The following USP7 variants were observed in gnomAD, a reference collection of about 807,000 sequenced individuals.
The protein encoded by USP7 is ubiquitin C-terminal hydrolase 7.
A neutral mutation model predicts 162.9 loss-of-function variants in USP7; 9 were observed. The observed-to-expected ratio is 0.06, with a 90% confidence interval of 0.03 to 0.10. USP7 has a LOEUF of 0.10. Ranked by LOEUF, USP7 falls within the 10% of genes least tolerant of loss-of-function variation. The pLI is 1.00. For synonymous variants in USP7, 562 were observed against 475.9 expected (o/e 1.18, Z -2.35); for missense variants, 715 against 1,373.7 (o/e 0.52, Z 7.58).
At chr16:8,946,773 C>T (rs952903428) in intron 1 of USP7, among the ~76,000 whole-genome samples, 2 of 152,240 alleles carry the variant, frequency 1.3e-5, no homozygotes, top group East Asian at 1.9e-4. Flanking sequence ...TCTGCCAGCA[C>T]GCAGAAGGCT....
chr16:8,896,839 C>G (rs2061688718), intron 26 of USP7, among the ~76,000 whole-genome samples, 160 bp downstream of exon 26: 3 of 152,206 alleles, frequency 2.0e-5, no homozygotes, highest in African/African-American at 7.2e-5. Context: ...CTGTGTTGAG[C>G]TTCTGTGCAA....
rs183281099 is a variant in USP7, at chr16:8,943,420, C to A, written c.80-13023G>T. Among the ~76,000 whole-genome samples, 8 of 152,276 alleles carry A rather than the reference C, an allele frequency of 5.3e-5. No individual in the cohort carries two copies. In the East Asian group the frequency reaches 1.5e-3, roughly 29 times the overall value. ...ATGCAAGTAGAAGTTGCAGCACGCACGGCCGGAACCGAGCTGCACAGATGC... is the reference window on the plus strand; with the variant it reads ...ATGCAAGTAGAAGTTGCAGCACGCAAGGCCGGAACCGAGCTGCACAGATGC... On this transcript the variant is annotated intron_variant, in intron 1 of 30. Coordinates refer to ENST00000344836, the MANE Select transcript of USP7 (RefSeq NM_003470.3).
rs771877206 is a variant in USP7, at chr16:8,905,345, A to C, written c.1429-14T>G. 2 of 1,613,226 alleles carry C rather than the reference A, an allele frequency of 1.2e-6. No homozygotes were observed. Among genetic ancestry groups the C allele is most frequent in the Admixed American group, 1.7e-5 (1 of 60,012 alleles). ...AAATTTACACCACTGCAAGGAAAACAACACACACCAGCAGCGATCAAGCAC... is the reference window on the plus strand; with the variant it reads ...AAATTTACACCACTGCAAGGAAAACCACACACACCAGCAGCGATCAAGCAC... On this transcript the variant is annotated splice_polypyrimidine_tract_variant and intron_variant, in intron 13 of 30. Coordinates refer to ENST00000344836, the MANE Select transcript of USP7 (RefSeq NM_003470.3).
At position 8,899,658 on chromosome 16, in the gene USP7, G is replaced by T. The variant is rs1483972129; in HGVS notation, c.2409C>A (p.Ile803=). ...TAACCACAAATCCAGGATCATTAGG[G>T]ATTGTTTTATCACAGAAAATGACAT... The part of the protein sequence containing the change: ...RVDVIFCDKT[I]PNDPGFVVTL... Residue 803 remains isoleucine, a synonymous_variant, in exon 22 of 31, where the codon ATC becomes ATA. Transcript: ENST00000344836. 6.2e-7 allele frequency: 1 copy of T among 1,614,156 alleles called. No individual in the cohort carries two copies. The highest frequency in any genetic ancestry group is 8.5e-7 in the Non-Finnish European group (1 of 1,179,976).
intron 1 of USP7, among the ~76,000 whole-genome samples, chr16:8,954,466 A>G (rs561827686): frequency 2.0e-5 from 3 of 152,320 alleles, no homozygotes; most frequent in Admixed American, 2.0e-4. Flanking sequence ...GTCATGGGCA[A>G]TGGGACCACA....
Position 8,944,513 on chromosome 16 carries a change from T to A in USP7, c.80-14116A>T, listed in dbSNP as rs192837798. Reference sequence around the variant, plus strand: ...GTCAGAGGTAGAAAGGAGATTTTTATACATACTCTTGGTTGTGCTAATGTA... The same window carrying A: ...GTCAGAGGTAGAAAGGAGATTTTTAAACATACTCTTGGTTGTGCTAATGTA... On this transcript the variant is annotated intron_variant, in intron 1 of 30. Transcript: ENST00000344836. Among the ~76,000 whole-genome samples, 9 of 152,338 alleles carry A rather than the reference T, an allele frequency of 5.9e-5. No individual in the cohort carries two copies. The East Asian group carries it at 1.7e-3, about 29-fold the overall frequency.
At chr16:8,957,333 T>A (rs564962614) in intron 1 of USP7, among the ~76,000 whole-genome samples, 9 of 152,212 alleles carry the variant, frequency 5.9e-5, no homozygotes, top group Non-Finnish European at 7.3e-5. Flanking sequence ...ATTTAACATC[T>A]AACTCTGTCA....
intron 10 of USP7, among the ~76,000 whole-genome samples, chr16:8,913,518 A>G (rs1443829139): frequency 6.6e-6 from 1 of 152,066 alleles, no homozygotes; most frequent in African/African-American, 2.4e-5. Flanking sequence ...AGAACGTCTA[A>G]CAGACCGAAG....
chr16:8,925,936 C>T (rs1195756720), intron 2 of USP7, among the ~76,000 whole-genome samples: 3 of 150,702 alleles, frequency 2.0e-5, no homozygotes, highest in Admixed American at 1.3e-4. Flanking sequence ...GGGTGGATCA[C>T]GAGGTCAGGA....
intron 1 of USP7, among the ~76,000 whole-genome samples, chr16:8,943,932 T>C (rs1335814276): frequency 2.0e-5 from 3 of 152,238 alleles, no homozygotes; most frequent in African/African-American, 4.8e-5. Flanking sequence ...ATTAAATTTA[T>C]TGTATTGCTT....
chr16:8,902,436 C>G lies in USP7; in HGVS notation c.1886G>C (p.Ser629Thr). ...CATTGCTGGTCGTTTTGTTCCATTA[C>G]TCCTTGCTTGCATGGGCCACAATCG... Reference protein sequence around the residue: ...QIRLWPMQARSNGTKRPAMLD... With the variant: ...QIRLWPMQARTNGTKRPAMLD... The change falls in exon 17 of 31, where the codon AGT becomes ACT. Residue 629 changes from serine to threonine, a missense_variant. Around this residue, in one of 11 missense-constraint regions of USP7, gnomAD observed 197 missense variants for 306.5 expected, o/e 0.64. Transcript: ENST00000344836. 6.2e-7 allele frequency: 1 copy of G among 1,614,030 alleles called. No individual in the cohort carries two copies. Among genetic ancestry groups the G allele is most frequent in the Non-Finnish European group, 8.5e-7 (1 of 1,179,972 alleles).
intron 1 of USP7, among the ~76,000 whole-genome samples, chr16:8,960,842 G>A (rs909711927): frequency 1.3e-5 from 2 of 152,198 alleles, no homozygotes; most frequent in African/African-American, 4.8e-5. Context: ...GATGGCCTAA[G>A]ACACAAGTAG....
intron 12 of USP7, among the ~76,000 whole-genome samples, chr16:8,907,261 CAA>C (rs2061875111): frequency 6.6e-6 from 1 of 152,174 alleles, no homozygotes; most frequent in Admixed American, 6.5e-5. Flanking sequence ...AAAATAAAAA[CAA>C]AGTGAGGATC....
intron 5 of USP7, 86 bp from the exon 6 acceptor site, chr16:8,919,225 G>C (rs1387288759): frequency 1.6e-5 from 22 of 1,379,682 alleles, no homozygotes; most frequent in South Asian, 4.7e-5. Flanking sequence ...CTCAAGGTCA[G>C]CCTTAAGGAA....
In USP7 at chr16:8,962,236, T is replaced by C. The variant is rs150996703; in HGVS notation, c.79+971A>G. On this transcript the variant is annotated intron_variant, in intron 1 of 30. Coordinates refer to ENST00000344836, the MANE Select transcript of USP7 (RefSeq NM_003470.3). The stretch of plus-strand genomic sequence containing the variant: ...CCGTTTTCATTCAGGTGGCCTCCAT[T>C]TGACTCCCGACAGCCTGAACTCGTC... Among the ~76,000 whole-genome samples the C allele has an allele frequency of 2.7e-3, 414 of 152,340 alleles. 5 individuals carry two copies. Among genetic ancestry groups the C allele is most frequent in the African/African-American group, 9.5e-3 (393 of 41,584 alleles).
chr16:8,894,233 G>A, intron 30 of USP7, 129 bp from the exon 31 acceptor site: 1 of 852,538 alleles, frequency 1.2e-6, no homozygotes, highest in Non-Finnish European at 1.9e-6. Flanking sequence ...GCCAGGACCT[G>A]AGCTACACGC....
intron 1 of USP7, among the ~76,000 whole-genome samples, chr16:8,957,320 G>A (rs1432758996): frequency 6.6e-6 from 1 of 152,184 alleles, no homozygotes; most frequent in Non-Finnish European, 1.5e-5. Flanking sequence ...TAAAGTAGGT[G>A]ACATTTAACA....
At chr16:8,899,837 A>T (rs772130641) in intron 21 of USP7, 80 bp from the exon 22 acceptor site, 79 of 1,473,332 alleles carry the variant, frequency 5.4e-5, no homozygotes, top group Non-Finnish European at 6.8e-5. Context: ...CATCTTTTAC[A>T]CAACAGTGAC....
At chr16:8,930,503 C>G (rs943354906) in intron 1 of USP7, 106 bp from the exon 2 acceptor site, 1 of 692,338 alleles carries the variant, frequency 1.4e-6, no homozygotes, top group South Asian at 2.7e-5. Flanking sequence ...TTAATAAATT[C>G]CAATTGTACC....
Sources: gnomAD v4.1 joint callset for allele counts (sites outside exome capture counted in the v4.1 genomes callset) on GRCh38, gnomAD v4.1.1 for gene constraint, gnomAD v4.1.1 regional missense constraint, MANE v1.5 for transcripts, NCBI Gene and HGNC (gene_info 2026-07-23, HGNC 2026-07-21) for gene names.